The following THSD4 variants were observed in gnomAD, a reference collection of about 807,000 sequenced individuals.
THSD4 encodes the protein thrombospondin type 1 domain containing 4, also known as thrombospondin type-1 domain-containing protein 4.
THSD4 carries 69 observed loss-of-function variants against 119.0 expected under a neutral mutation model. The ratio of observed to expected loss-of-function variants is 0.58; its 90% CI spans 0.48 to 0.71. The LOEUF (loss-of-function observed/expected upper bound fraction) is 0.71. THSD4 is among the 30% of genes least tolerant of loss of function. The pLI is 0.00. For missense variants in THSD4, 1,393 were observed against 1,391.1 expected, an observed-to-expected ratio of 1.00 and a Z score of -0.02; for synonymous variants, 524 against 540.4, an observed-to-expected ratio of 0.97 and a Z score of 0.42.
intron 6 of THSD4, among the ~76,000 whole-genome samples, chr15:71,274,623 C>G (rs1457575519): frequency 6.6e-6 from 1 of 152,118 alleles, no homozygotes; most frequent in Non-Finnish European, 1.5e-5. Context: ...GACAGGCCTC[C>G]TTCTCACACC....
At chr15:71,711,050 TATGCATG>T (rs1479907488) in intron 8 of THSD4, among the ~76,000 whole-genome samples, 1 of 149,180 alleles carries the variant, frequency 6.7e-6, no homozygotes, top group Non-Finnish European at 1.5e-5. Context: ...TTCTATAAAA[TATGCATG>T]ATTATTGAAA....
chr15:71,310,820 G>C (rs1382910803), intron 6 of THSD4, among the ~76,000 whole-genome samples: 1 of 152,198 alleles, frequency 6.6e-6, no homozygotes, highest in Non-Finnish European at 1.5e-5. Flanking sequence ...CACTTTCTCT[G>C]TCTAGCCTTG....
At position 71,327,863 on chromosome 15, in the gene THSD4, T is replaced by C. The variant is rs530201053; in HGVS notation, c.1015+71148T>C. Among the ~76,000 whole-genome samples, 6 of 152,366 alleles carry C rather than the reference T, an allele frequency of 3.9e-5. No homozygotes were observed. In the East Asian group the frequency reaches 1.2e-3, roughly 29 times the overall value. On this transcript the variant is annotated intron_variant, in intron 6 of 17. Coordinates refer to ENST00000261862, the MANE Select transcript of THSD4 (RefSeq NM_024817.3). ...TGCAAAAATAAATGTGTTAACAATG[T>C]AGGGCCTAGGACACCTGATACCATT...
rs562234136 is a variant in THSD4, at chr15:71,468,771, A to G, written c.1152+56948A>G. 6.9e-4 allele frequency among the ~76,000 whole-genome samples: 105 copies of G among 152,240 alleles called. 1 individual carries two copies. The highest frequency in any genetic ancestry group is 2.4e-3 in the African/African-American group (101 of 41,540). On this transcript the variant is annotated intron_variant, in intron 7 of 17. Transcript: ENST00000261862. ...TTCATGCTTAGCTTCTATTTTTAAG[A>G]TTATCTCATCATCTAAAGTGACTGC...
At chr15:71,428,642 G>A (rs2046904825) in intron 7 of THSD4, among the ~76,000 whole-genome samples, 1 of 152,126 alleles carries the variant, frequency 6.6e-6, no homozygotes, top group Non-Finnish European at 1.5e-5. Context: ...AGAAAAATAG[G>A]TTAAAATGGG....
At position 71,528,858 on chromosome 15, in the gene THSD4, C is replaced by G. The variant is rs558258736; in HGVS notation, c.1152+117035C>G. On this transcript the variant is annotated intron_variant, in intron 7 of 17. Transcript: ENST00000261862. ...TGGTAAAGAGTAAGTCTGAGCTATC[C>G]ATGATCAATTTATTACTAATACACA... Among the ~76,000 whole-genome samples, 6 of 152,312 alleles carry G rather than the reference C, an allele frequency of 3.9e-5. No individual in the cohort carries two copies. The South Asian group carries it at 1.2e-3, about 32-fold the overall frequency.
At chr15:71,397,398 CTG>C (rs2046468021) in intron 6 of THSD4, among the ~76,000 whole-genome samples, 2 of 152,192 alleles carry the variant, frequency 1.3e-5, no homozygotes, top group Admixed American at 1.3e-4. Flanking sequence ...ACTTACTATA[CTG>C]TCTGGAATAA....
chr15:71,503,563 C>G lies in THSD4; in HGVS notation c.1152+91740C>G, dbSNP rs547644541. 1.5e-4 allele frequency among the ~76,000 whole-genome samples: 23 copies of G among 152,284 alleles called. No individual in the cohort carries two copies. The South Asian group carries it at 4.6e-3, about 30-fold the overall frequency. ...TGAAAAAACAAAACAAGTGTCCCGTCACTGCAGCATGCTGAGAAAGCCTTG... is the reference window on the plus strand; with the variant it reads ...TGAAAAAACAAAACAAGTGTCCCGTGACTGCAGCATGCTGAGAAAGCCTTG... On this transcript the variant is annotated intron_variant, in intron 7 of 17. Transcript: ENST00000261862.
chr15:71,558,050 G>A (rs536650891), intron 7 of THSD4, among the ~76,000 whole-genome samples: 35 of 152,080 alleles, frequency 2.3e-4, no homozygotes, highest in African/African-American at 5.8e-4. Context: ...TATGTGGGCC[G>A]CATGTGGTGG....
At chr15:71,643,420 T>C (rs73445792) in intron 7 of THSD4, among the ~76,000 whole-genome samples, 4,704 of 152,194 alleles carry the variant, frequency 0.031, 257 homozygotes, top group African/African-American at 0.11. Flanking sequence ...GTACGAAGCC[T>C]AGTACCCAAT....
intron 3 of THSD4, among the ~76,000 whole-genome samples, chr15:71,171,849 C>T (rs1567144879): frequency 6.6e-6 from 1 of 152,038 alleles, no homozygotes; most frequent in Non-Finnish European, 1.5e-5. Context: ...ATGCCATGTT[C>T]ATGAATTGGA....
At chr15:71,283,214 C>T (rs1004231321) in intron 6 of THSD4, among the ~76,000 whole-genome samples, 10 of 152,162 alleles carry the variant, frequency 6.6e-5, no homozygotes, top group Non-Finnish European at 1.2e-4. Flanking sequence ...CACGATCCGC[C>T]AGCCTCGGCC....
intron 7 of THSD4, among the ~76,000 whole-genome samples, chr15:71,600,340 A>G (rs180784253): frequency 6.6e-6 from 1 of 152,148 alleles, no homozygotes; most frequent in African/African-American, 2.4e-5. Context: ...CCCCTTCTGA[A>G]TTCCCGTAGG....
Position 71,613,855 on chromosome 15 carries a change from A to T in THSD4, c.1153-46675A>T, listed in dbSNP as rs183708948. 1.3e-3 allele frequency among the ~76,000 whole-genome samples: 193 copies of T among 152,324 alleles called. 2 individuals carry two copies. The highest frequency in any genetic ancestry group is 4.3e-3 in the African/African-American group (179 of 41,586). On this transcript the variant is annotated intron_variant, in intron 7 of 17. Coordinates refer to ENST00000261862, the MANE Select transcript of THSD4 (RefSeq NM_024817.3). ...GCCTCCTTTTATGTGGGGTATAGGT[A>T]TAGCTCATCTGGGCTTTGTATATCT...
intron 3 of THSD4, 32 bp downstream of exon 3, chr15:71,154,964 C>T: frequency 1.9e-6 from 3 of 1,610,318 alleles, no homozygotes; most frequent in South Asian, 2.2e-5. Context: ...GTTTTCTTCT[C>T]TGCCCAAGGG....
At chr15:71,203,085 A>G (rs147430274) in intron 3 of THSD4, among the ~76,000 whole-genome samples, 191 of 152,238 alleles carry the variant, frequency 1.3e-3, no homozygotes, top group African/African-American at 3.8e-3. Context: ...CTTGATCTCA[A>G]TGAGAAAGGT....
chr15:71,767,236 C>A (rs979460388), intron 16 of THSD4: 4 of 152,022 alleles, frequency 2.6e-5, no homozygotes, highest in Non-Finnish European at 5.9e-5. Flanking sequence ...GAGTTTGGAA[C>A]TAAGTAAATA....
At chr15:71,112,225 A>C, upstream of THSD4, 2 of 1,612,088 alleles carry the variant, frequency 1.2e-6, no homozygotes, top group Non-Finnish European at 1.7e-6. Flanking sequence ...CTGTAGGCAG[A>C]GGGCTGATCA....
At chr15:71,651,097 C>T (rs2140980448) in intron 7 of THSD4, among the ~76,000 whole-genome samples, 1 of 152,302 alleles carries the variant, frequency 6.6e-6, no homozygotes, top group South Asian at 2.1e-4. Flanking sequence ...TGTAAGATGG[C>T]TCCATCAAAG....
Sources: allele counts gnomAD v4.1 joint callset (sites outside exome capture counted in the v4.1 genomes callset), GRCh38; gene constraint gnomAD v4.1.1; transcripts MANE v1.5; gene names NCBI Gene and HGNC (gene_info 2026-07-23, HGNC 2026-07-21).